The following FDXACB1 variants were observed in gnomAD, a reference collection of about 807,000 sequenced individuals.
FDXACB1 encodes the protein ferredoxin-fold anticodon-binding domain-containing protein 1.
In FDXACB1, 41 loss-of-function variants were observed where a neutral mutation model predicts 51.7. That is an observed-to-expected ratio of 0.79 (90% CI 0.62 to 1.03). FDXACB1 has a LOEUF of 1.03. Among genes scored for constraint, FDXACB1 ranks in the 50% least tolerant of loss-of-function variants. FDXACB1 has a pLI of 0.00. For synonymous variants in FDXACB1, 273 were observed against 278.6 expected (o/e 0.98, Z 0.20); for missense variants, 697 against 746.4 (o/e 0.93, Z 0.77).
Position 111,875,003 on chromosome 11 carries a change from G to A in FDXACB1, c.1794C>T (p.Ala598=), listed in dbSNP as rs368599048. ...TTGATGCTACTTGCTGCTGGGTGAG[G>A]GCCTTGTCACAGGTCTGGTAGGTCA... The part of the protein sequence containing the change: ...YRLTYQTCDK[A]LTQQQVASMQ... The change falls in exon 5 of 5, where the codon GCC becomes GCT. Residue 598 remains alanine, a synonymous_variant. Transcript: ENST00000260257. 1.2e-6 allele frequency: 2 copies of A among 1,613,914 alleles called. No homozygotes were observed. The highest frequency in any genetic ancestry group is 1.7e-5 in the Admixed American group (1 of 60,018).
At chr11:111,877,503 TGTTA>T (rs1371855310) in intron 2 of FDXACB1, among the ~76,000 whole-genome samples, 26 of 149,946 alleles carry the variant, frequency 1.7e-4, no homozygotes, top group Admixed American at 6.1e-4. Context: ...TTTATGAGGC[TGTTA>T]GTTACTTTTT....
At position 111,878,621 on chromosome 11, in the gene FDXACB1, G is replaced by A. The variant is rs371392910; in HGVS notation, c.264C>T (p.Phe88=). ...CGCCAGCTTTGCGTCCACAATGCGG[G>A]AAGATGAAATAAATTTGATCAAATT... ...EREFDQIYFI[F]PHCGRKAGVA... The change falls in exon 2 of 5, where the codon TTC becomes TTT. Residue 88 remains phenylalanine, a synonymous_variant. Transcript: ENST00000260257. 7.5e-6 allele frequency: 12 copies of A among 1,604,550 alleles called. No homozygotes were observed. In the African/African-American group the frequency reaches 9.4e-5, roughly 13 times the overall value.
rs782228373 is a variant in FDXACB1, at chr11:111,879,087, A to G, written c.46T>C (p.Phe16Leu). The change falls in exon 1 of 5, where the codon TTC becomes CTC. Residue 16 changes from phenylalanine to leucine, a missense_variant. By Grantham distance (22) the Phe-to-Leu change is conservative (BLOSUM62 0). This residue lies in a region of FDXACB1 where 153 missense variants were observed against 133.5 expected (regional missense o/e 1.15). Coordinates refer to ENST00000260257, the MANE Select transcript of FDXACB1 (RefSeq NM_138378.3). Reference protein sequence around the residue: ...LLLVGEGNFSFAAALSETLDQ... With the variant: ...LLLVGEGNFSLAAALSETLDQ... ...AGGGTTTCGCTCAGAGCGGCGGCGA[A>G]GGAGAAATTCCCCTCCCCAACCAAC... 5 of 1,613,284 alleles carry G rather than the reference A, an allele frequency of 3.1e-6. No homozygotes were observed. Among genetic ancestry groups the G allele is most frequent in the Admixed American group, 1.7e-5 (1 of 59,982 alleles).
chr11:111,875,293 A>G lies in FDXACB1; in HGVS notation c.1504T>C (p.Ser502Pro), dbSNP rs781803989. 6.2e-7 allele frequency: 1 copy of G among 1,613,960 alleles called. No homozygotes were observed. Among genetic ancestry groups the G allele is most frequent in the South Asian group, 1.1e-5 (1 of 91,080 alleles). ...AACGTCCACAACATTCTCCAGTCAG[A>G]GATACACCAGACAAGCATGGCTAAT... ...DLLAMLVWCI[S>P]DWRMLWTFDN... is the part of the protein sequence containing the mutation. Residue 502 changes from serine (S) to proline (P), a missense_variant, in exon 5 of 5, where the codon TCT becomes CCT. Around this residue, in one of 3 missense-constraint regions of FDXACB1, gnomAD observed 538 missense variants for 592.2 expected, o/e 0.91. Transcript: ENST00000260257.
Position 111,876,894 on chromosome 11 carries a change from G to A in FDXACB1, c.447C>T (p.Ala149=). The part of the protein sequence containing the change: ...REWHNSWQVV[A]MAALGGLILS... Reference sequence around the variant, plus strand: ...AAATGAGCCCCCCCAGGGCTGCCATGGCAACCACTTGCCAACTGTTGTGCC... The same window carrying A: ...AAATGAGCCCCCCCAGGGCTGCCATAGCAACCACTTGCCAACTGTTGTGCC... The change falls in exon 3 of 5, where the codon GCC becomes GCT. Residue 149 remains alanine (A), a synonymous_variant. Coordinates refer to ENST00000260257, the MANE Select transcript of FDXACB1 (RefSeq NM_138378.3). 1 of 1,613,454 alleles carries A rather than the reference G, an allele frequency of 6.2e-7. No individual in the cohort carries two copies. Among genetic ancestry groups the A allele is most frequent in the Non-Finnish European group, 8.5e-7 (1 of 1,179,652 alleles).
In FDXACB1 at chr11:111,874,935, A is replaced by G. The variant is rs764174737; in HGVS notation, c.1862T>C (p.Val621Ala). 1.2e-6 allele frequency: 2 copies of G among 1,613,926 alleles called. No individual in the cohort carries two copies. Among genetic ancestry groups the G allele is most frequent in the Admixed American group, 3.3e-5 (2 of 60,024 alleles). The part of the protein sequence containing the change: ...FRKEIQQHLY[V>A]IPR ...GGATTTACCAAACTACCGAGGTATA[A>G]CATATAGGTGTTGTTGAATCTCCTT... Residue 621 changes from valine to alanine, a missense_variant, in exon 5 of 5, where the codon GTT becomes GCT. By Grantham distance (64) the Val-to-Ala change is moderately conservative. Around this residue, in one of 3 missense-constraint regions of FDXACB1, gnomAD observed 538 missense variants for 592.2 expected, o/e 0.91. Transcript: ENST00000260257.
Position 111,874,964 on chromosome 11 carries a change from A to G in FDXACB1, c.1833T>C (p.Phe611=). ...QQQVASMQSQ[F]RKEIQQHLYV... ...ATAGGTGTTGTTGAATCTCCTTCCT[A>G]AACTGGGACTGCATTGATGCTACTT... Residue 611 remains phenylalanine (F), a synonymous_variant, in exon 5 of 5, where the codon TTT becomes TTC. Transcript: ENST00000260257. 6.2e-7 allele frequency: 1 copy of G among 1,613,978 alleles called. No homozygotes were observed. Among genetic ancestry groups the G allele is most frequent in the Non-Finnish European group, 8.5e-7 (1 of 1,179,878 alleles).
rs111738615 is a variant in FDXACB1, at chr11:111,878,928, G to A, written c.172+33C>T. On this transcript the variant is annotated intron_variant, in intron 1 of 4. Coordinates refer to ENST00000260257, the MANE Select transcript of FDXACB1 (RefSeq NM_138378.3). ...TCCACTTTGGGACGCGCCGGCCGCT[G>A]GGCGGGGTTTCGCAGAGGGGCGGGC... The A allele has an allele frequency of 1.2e-3, 1,863 of 1,576,128 alleles. 13 individuals carry two copies. In the African/African-American group the frequency reaches 0.022, roughly 19 times the overall value.
rs373373173 is a variant in FDXACB1 at position 111,878,927 on chromosome 11, T to TGGGCGGGGTTTCGCAGAG, written c.172+16_172+33dup. The TGGGCGGGGTTTCGCAGAG allele has an allele frequency of 1.3e-3, 1,990 of 1,576,482 alleles. 17 individuals carry two copies. The African/African-American group carries it at 0.023, about 18-fold the overall frequency. On this transcript the variant is annotated intron_variant, in intron 1 of 4. Transcript: ENST00000260257. The stretch of plus-strand genomic sequence containing the variant: ...TTCCACTTTGGGACGCGCCGGCCGC[T>TGGGCGGGGTTTCGCAGAG]GGGCGGGGTTTCGCAGAGGGGCGGG...
rs782115847 is a variant in FDXACB1, at chr11:111,878,638, G to T, written c.247C>A (p.Gln83Lys). The T allele has an allele frequency of 3.1e-6, 5 of 1,607,698 alleles. No homozygotes were observed. The East Asian group carries it at 6.7e-5, about 22-fold the overall frequency. The part of the protein sequence containing the change: ...VFELHEREFD[Q>K]IYFIFPHCGR... ...CAATGCGGGAAGATGAAATAAATTT[G>T]ATCAAATTCTCTCTCGTGCAGTTCA... Residue 83 changes from glutamine (Q) to lysine (K), a missense_variant, in exon 2 of 5, where the codon CAA (glutamine) becomes AAA (lysine). Coordinates refer to ENST00000260257, the MANE Select transcript of FDXACB1 (RefSeq NM_138378.3).
chr11:111,878,462 C>T, intron 2 of FDXACB1, 94 bp downstream of exon 2: 1 of 1,358,310 alleles, frequency 7.4e-7, no homozygotes, highest in Admixed American at 2.6e-5. Context: ...CTAAACATAT[C>T]ATAGTAGCTT....
chr11:111,874,543 G>C lies in FDXACB1; in HGVS notation c.*379C>G. 1 of 177,004 alleles carries C rather than the reference G, an allele frequency of 5.6e-6. No individual in the cohort carries two copies. Among genetic ancestry groups the C allele is most frequent in the South Asian group, 1.3e-4 (1 of 7,872 alleles). The allele number at this position is 177,004 out of a possible 1,614,324, so 11.0% of individuals were successfully genotyped here. A position where few individuals can be genotyped will look rare whatever the true frequency, so the allele number is the denominator to read the frequency against. ...ACGCAGGCAGATCACGAGGCCGGGA[G>C]ATTGAGACCATCCTGGCTAACACGG... On this transcript the variant is annotated 3_prime_UTR_variant, in exon 5 of 5. Transcript: ENST00000260257.
chr11:111,876,161 T>A (rs970840344), intron 4 of FDXACB1, 57 bp from the exon 5 acceptor site: 9 of 1,328,838 alleles, frequency 6.8e-6, no homozygotes, highest in Middle Eastern at 2.1e-4. Flanking sequence ...ATAATTATAA[T>A]GTAGCTAGAA....
rs782186505 is a variant in FDXACB1, at chr11:111,876,924, T to C, written c.417A>G (p.Arg139=). Reference sequence around the variant, plus strand: ...CCACTTGCCAACTGTTGTGCCATTCTCTCTGGGGCTTATCCGCAGGAGTTC... The same window carrying C: ...CCACTTGCCAACTGTTGTGCCATTCCCTCTGGGGCTTATCCGCAGGAGTTC... ...QGGTPADKPQ[R]EWHNSWQVVA... Residue 139 remains arginine (R), a synonymous_variant, in exon 3 of 5, where the codon AGA becomes AGG. Transcript: ENST00000260257. 2 of 1,612,000 alleles carry C rather than the reference T, an allele frequency of 1.2e-6. No homozygotes were observed. The highest frequency in any genetic ancestry group is 1.1e-5 in the South Asian group (1 of 90,622).
Position 111,875,673 on chromosome 11 carries a change from G to C in FDXACB1, c.1124C>G (p.Pro375Arg), listed in dbSNP as rs373040520. The change falls in exon 5 of 5, where the codon CCT (proline) becomes CGT (arginine). Residue 375 changes from proline (P) to arginine (R), a missense_variant. Pro to Arg is a moderately radical substitution (Grantham distance 103). This residue lies in a region of FDXACB1 where 538 missense variants were observed against 592.2 expected (regional missense o/e 0.91). Transcript: ENST00000260257. Reference sequence around the variant, plus strand: ...CAAAATGTGGCACTTCTGAAAGACAGGTCCACTGAGGATGTGCAGAGAACC... The same window carrying C: ...CAAAATGTGGCACTTCTGAAAGACACGTCCACTGAGGATGTGCAGAGAACC... ...LSGSLHILSG[P>R]VFQKCHILPF... The C allele has an allele frequency of 9.4e-5, 151 of 1,613,342 alleles. No individual in the cohort carries two copies. The highest frequency in any genetic ancestry group is 1.2e-4 in the Non-Finnish European group (140 of 1,179,862).
rs782714957 is a variant in FDXACB1 at position 111,875,922 on chromosome 11, C to T, written c.875G>A (p.Ser292Asn). Residue 292 changes from serine to asparagine, a missense_variant, in exon 5 of 5, where the codon AGT becomes AAT. Physicochemically the swap from Ser to Asn is conservative, Grantham distance 46. This residue lies in a region of FDXACB1 where 538 missense variants were observed against 592.2 expected (regional missense o/e 0.91). Transcript: ENST00000260257. ...CDFLSAAFWI[S>N]LHEDNSNSES... ...AGAATTTGAGTTATCTTCATGGAGA[C>T]TAATCCAAAAAGCAGCTGACAGAAA... 3.7e-6 allele frequency: 6 copies of T among 1,613,784 alleles called. No homozygotes were observed. The African/African-American group carries it at 4.0e-5, about 11-fold the overall frequency.
chr11:111,874,670 G>C lies in FDXACB1; in HGVS notation c.*252C>G, dbSNP rs1308524937. 5.2e-6 allele frequency: 2 copies of C among 384,564 alleles called. No homozygotes were observed. Among genetic ancestry groups the C allele is most frequent in the Non-Finnish European group, 9.3e-6 (2 of 214,220 alleles). The allele number at this position is 384,564 out of a possible 1,614,324, so 23.8% of individuals were successfully genotyped here. On this transcript the variant is annotated 3_prime_UTR_variant, in exon 5 of 5. Coordinates refer to ENST00000260257, the MANE Select transcript of FDXACB1 (RefSeq NM_138378.3). ...CTCGGGAGGCTGAGGCAGGAGAATGGCATGAACCTGGGAGGTGGAGCTTAT... is the reference window on the plus strand; with the variant it reads ...CTCGGGAGGCTGAGGCAGGAGAATGCCATGAACCTGGGAGGTGGAGCTTAT...
At position 111,876,618 on chromosome 11, in the gene FDXACB1, A is replaced by G. The variant is rs1566368865; in HGVS notation, c.555T>C (p.His185=). Residue 185 remains histidine (H), a synonymous_variant, in exon 4 of 5, where the codon CAT becomes CAC. Transcript: ENST00000260257. ...TGYRSQDKSF[H]VEGALNHIFT... The stretch of plus-strand genomic sequence containing the variant: ...AGATATGGTTCAAAGCACCTTCTAC[A>G]TGAAAGGACTTATCTTGACTCCTGG... The G allele has an allele frequency of 6.2e-7, 1 of 1,613,700 alleles. No individual in the cohort carries two copies. Among genetic ancestry groups the G allele is most frequent in the Non-Finnish European group, 8.5e-7 (1 of 1,179,812 alleles).
intron 2 of FDXACB1, 39 bp from the exon 3 acceptor site, chr11:111,877,050 A>G: frequency 6.5e-7 from 1 of 1,539,814 alleles, no homozygotes. Flanking sequence ...ATTATCATAA[A>G]CAAGCAGAAA....
Sources: gnomAD v4.1 joint callset for allele counts (sites outside exome capture counted in the v4.1 genomes callset) on GRCh38, gnomAD v4.1.1 for gene constraint, gnomAD v4.1.1 regional missense constraint, MANE v1.5 for transcripts, NCBI Gene and HGNC (gene_info 2026-07-23, HGNC 2026-07-21) for gene names.